MAGI1: variants seen among roughly 807,000 people sequenced by gnomAD.
MAGI1 encodes the protein membrane-associated guanylate kinase, WW and PDZ domain-containing protein 1.
Under a neutral mutation model 139.9 loss-of-function variants are expected in MAGI1, and 58 were observed. The observed-to-expected ratio is 0.41, with a 90% CI of 0.34 to 0.52. The LOEUF is 0.52. Among genes scored for constraint, MAGI1 ranks in the 20% least tolerant of loss-of-function variants. MAGI1 has a pLI of 0.12. For missense variants in MAGI1, 1,874 were observed against 1,901.6 expected, an observed-to-expected ratio of 0.99 and a Z score of 0.27; for synonymous variants, 812 against 737.9, an observed-to-expected ratio of 1.10 and a Z score of -1.63.
intron 1 of MAGI1, among the ~76,000 whole-genome samples, chr3:65,833,133 T>G (rs984500452): frequency 4.7e-5 from 7 of 150,278 alleles, no homozygotes; most frequent in Non-Finnish European, 7.4e-5. Flanking sequence ...TTTTTTTTTT[T>G]GGGAGACAGA....
intron 1 of MAGI1, among the ~76,000 whole-genome samples, chr3:65,722,257 C>G (rs2033122696): frequency 1.3e-5 from 2 of 152,092 alleles, no homozygotes; most frequent in African/African-American, 4.8e-5. Context: ...TCCACCTTAC[C>G]TAGATTTGTT....
At chr3:65,549,128 A>C (rs377534970) in intron 2 of MAGI1, among the ~76,000 whole-genome samples, 2 of 152,084 alleles carry the variant, frequency 1.3e-5, no homozygotes, top group South Asian at 2.1e-4. Flanking sequence ...ATGCTCGCCC[A>C]AGAAACATGG....
At chr3:65,483,206 A>G (rs1390662125) in intron 3 of MAGI1, among the ~76,000 whole-genome samples, 1 of 152,150 alleles carries the variant, frequency 6.6e-6, no homozygotes, top group Non-Finnish European at 1.5e-5. Flanking sequence ...TGGCTGTCTT[A>G]TTTCAACTCT....
chr3:65,541,793 G>A (rs977568722), intron 2 of MAGI1, among the ~76,000 whole-genome samples: 3 of 152,138 alleles, frequency 2.0e-5, no homozygotes, highest in Admixed American at 2.0e-4. Context: ...AGCTATTTAT[G>A]ACAAACCCAC....
intron 1 of MAGI1, among the ~76,000 whole-genome samples, chr3:65,998,364 G>A (rs940094167): frequency 1.3e-5 from 2 of 152,076 alleles, no homozygotes; most frequent in African/African-American, 4.8e-5. Context: ...CACAGTTTAG[G>A]GTAGTTTGTT....
chr3:65,566,459 A>G (rs1005664958), intron 2 of MAGI1, among the ~76,000 whole-genome samples: 1 of 151,584 alleles, frequency 6.6e-6, no homozygotes, highest in Non-Finnish European at 1.5e-5. Context: ...CATAGTTAAC[A>G]CAAATGATCT....
At chr3:65,942,626 T>C (rs2063364122) in intron 1 of MAGI1, among the ~76,000 whole-genome samples, 1 of 152,214 alleles carries the variant, frequency 6.6e-6, no homozygotes. Context: ...TACAGAATGT[T>C]AGCAAGTGCC....
intron 1 of MAGI1, among the ~76,000 whole-genome samples, chr3:65,673,279 G>C (rs17073394): frequency 0.023 from 3,549 of 152,228 alleles, 53 homozygotes; most frequent in Middle Eastern, 0.054. Flanking sequence ...TAATGATCTG[G>C]AGGTGAAGCC....
At chr3:65,423,383 C>G (rs373263439) in intron 12 of MAGI1, among the ~76,000 whole-genome samples, 2 of 130,058 alleles carry the variant, frequency 1.5e-5, no homozygotes, top group South Asian at 6.0e-4. Context: ...TGCACACACG[C>G]GCACACACAC....
chr3:65,813,155 T>C (rs2041385616), intron 1 of MAGI1, among the ~76,000 whole-genome samples: 1 of 151,744 alleles, frequency 6.6e-6, no homozygotes, highest in South Asian at 2.1e-4. Flanking sequence ...GAGTGAGAGG[T>C]GAACATGGCA....
At chr3:65,458,877 C>T (rs1949584073) in intron 5 of MAGI1, among the ~76,000 whole-genome samples, 1 of 152,142 alleles carries the variant, frequency 6.6e-6, no homozygotes, top group African/African-American at 2.4e-5. Flanking sequence ...AATCTTTGCC[C>T]ACTCTCATGT....
At chr3:65,678,348 A>G (rs1487569688) in intron 1 of MAGI1, among the ~76,000 whole-genome samples, 2 of 55,882 alleles carry the variant, frequency 3.6e-5, no homozygotes. Context: ...TTTAAAAAAT[A>G]AAATAAAAAG....
chr3:65,468,003 T>G (rs1950277508), intron 5 of MAGI1, among the ~76,000 whole-genome samples: 1 of 152,182 alleles, frequency 6.6e-6, no homozygotes, highest in South Asian at 2.1e-4. Context: ...CCAAGAACTT[T>G]AGCTTCTCTA....
At chr3:65,901,741 G>A (rs1255025216) in intron 1 of MAGI1, among the ~76,000 whole-genome samples, 1 of 152,086 alleles carries the variant, frequency 6.6e-6, no homozygotes, top group Non-Finnish European at 1.5e-5. Context: ...GGCAAATTTT[G>A]TATAGACTAA....
intron 1 of MAGI1, among the ~76,000 whole-genome samples, chr3:65,985,284 C>T (rs778649084): frequency 6.6e-6 from 1 of 152,216 alleles, no homozygotes; most frequent in Non-Finnish European, 1.5e-5. Context: ...GCCAGAGAAG[C>T]ATTCAAGCTG....
intron 2 of MAGI1, among the ~76,000 whole-genome samples, chr3:65,581,865 T>C (rs2081439258): frequency 6.6e-6 from 1 of 152,118 alleles, no homozygotes; most frequent in South Asian, 2.1e-4. Context: ...AATCTTAAAC[T>C]CCCTGAGAAC....
intron 12 of MAGI1, among the ~76,000 whole-genome samples, chr3:65,415,785 G>C (rs1166349021): frequency 6.6e-6 from 1 of 152,194 alleles, no homozygotes. Flanking sequence ...AAGGACATTT[G>C]GCCCTGTCTG....
chr3:65,619,627 A>G (rs2083561736), intron 2 of MAGI1, among the ~76,000 whole-genome samples: 1 of 152,114 alleles, frequency 6.6e-6, no homozygotes, highest in African/African-American at 2.4e-5. Context: ...CGGCTTCCTA[A>G]TCCATTAGCA....
chr3:65,581,325 G>T (rs1487829340), intron 2 of MAGI1, among the ~76,000 whole-genome samples: 1 of 151,738 alleles, frequency 6.6e-6, no homozygotes, highest in Non-Finnish European at 1.5e-5. Context: ...ATGAATAAGA[G>T]AATTTTACTG....
Sources: gnomAD v4.1 joint callset for allele counts (sites outside exome capture counted in the v4.1 genomes callset) on GRCh38, gnomAD v4.1.1 for gene constraint, MANE v1.5 for transcripts, NCBI Gene and HGNC (gene_info 2026-07-23, HGNC 2026-07-21) for gene names.